Variants in ZNF335 observed in about 807,000 individuals in gnomAD.
The protein encoded by ZNF335 is zinc finger protein 335, also known as NRC-interacting factor 1.
ZNF335 carries 84 observed loss-of-function variants against 145.6 expected under a neutral mutation model. The observed-to-expected ratio is 0.58, with a 90% CI of 0.48 to 0.69. ZNF335 has a LOEUF of 0.69. ZNF335 is among the 30% of genes least tolerant of loss of function. ZNF335 has a pLI of 0.00. For missense variants in ZNF335, 1,865 were observed against 1,809.7 expected (o/e 1.03, Z -0.55); for synonymous variants, 761 against 717.0 (o/e 1.06, Z -0.98).
In ZNF335 at chr20:45,962,166, T is replaced by C. The variant is rs776649628; in HGVS notation, c.1550A>G (p.His517Arg). ...ACACTTGTAGGGCTTGCTGCCCACG[T>C]GGTTGAACATGTGCTCCTGGGAGAC... ...WSSLKEHMFN[H>R]VGSKPYKCDE... Residue 517 changes from histidine to arginine, a missense_variant, in exon 10 of 28, where the codon CAC becomes CGC. By Grantham distance (29) the His-to-Arg change is conservative. Coordinates refer to ENST00000322927, the MANE Select transcript of ZNF335 (RefSeq NM_022095.4). The C allele has an allele frequency of 4.3e-6, 7 of 1,613,932 alleles. No individual in the cohort carries two copies. The highest frequency in any genetic ancestry group is 5.9e-6 in the Non-Finnish European group (7 of 1,179,994).
intron 16 of ZNF335, 60 bp from the exon 17 acceptor site, chr20:45,957,740 C>T (rs2083755300): frequency 5.0e-6 from 8 of 1,605,264 alleles, no homozygotes; most frequent in Non-Finnish European, 6.0e-6. Flanking sequence ...CAATACCACC[C>T]CCTCCCCATC....
At chr20:45,967,136 G>A (rs1240094115) in intron 6 of ZNF335, 2 of 242,624 alleles carry the variant, frequency 8.2e-6, no homozygotes, top group African/African-American at 2.2e-5. Context: ...CTAGCTACTC[G>A]GGAGGCTGAG....
At chr20:45,960,176 G>A (rs762332625) in intron 14 of ZNF335, 32 bp downstream of exon 14, 1 of 1,612,040 alleles carries the variant, frequency 6.2e-7, no homozygotes, top group Non-Finnish European at 8.5e-7. Context: ...ACTGAGGGCT[G>A]GTGAGTGGGG....
rs961773295 is a variant in ZNF335, at chr20:45,967,932, A to T, written c.616T>A (p.Cys206Ser). ...CTGGGCCCACCCTGTGCCTCCAGGC[A>T]TGTGGATGTGGATGTGGGGCCATCT... ...LADGPTSTST[C>S]LEAQGGPSSP... is the part of the protein sequence containing the mutation. The change falls in exon 5 of 28, where the codon TGC becomes AGC. Residue 206 changes from cysteine to serine, a missense_variant. Cys to Ser is a moderately radical substitution (Grantham distance 112). Transcript: ENST00000322927. 2.5e-6 allele frequency: 4 copies of T among 1,607,658 alleles called. No homozygotes were observed. In the African/African-American group the frequency reaches 5.3e-5, roughly 21 times the overall value.
chr20:45,951,344 C>A (rs2083627740), intron 20 of ZNF335, among the ~76,000 whole-genome samples: 1 of 152,228 alleles, frequency 6.6e-6, no homozygotes, highest in Non-Finnish European at 1.5e-5. Flanking sequence ...ACAGGGAGGC[C>A]CCAAGCTGGG....
In ZNF335 at chr20:45,965,797, T is replaced by G. The variant is rs564186036; in HGVS notation, c.956-23A>C. On this transcript the variant is annotated intron_variant, in intron 6 of 27. Transcript: ENST00000322927. The stretch of plus-strand genomic sequence containing the variant: ...CCTCTGTGGGGGACAGTAAAGTTGG[T>G]GAACAGTGAGTGGCGGGACCTGCCC... 492 of 1,590,724 alleles carry G rather than the reference T, an allele frequency of 3.1e-4. 1 individual carries two copies. Among genetic ancestry groups the G allele is most frequent in the Non-Finnish European group, 3.7e-4 (434 of 1,169,180 alleles).
chr20:45,949,450 C>G, intron 25 of ZNF335, 35 bp downstream of exon 25: 1 of 1,613,968 alleles, frequency 6.2e-7, no homozygotes, highest in Admixed American at 1.7e-5. Context: ...TGCAGCCCTT[C>G]ACCACACAGC....
rs114864530 is a variant in ZNF335 at position 45,950,314 on chromosome 20, C to T, written c.3392G>A (p.Arg1131Lys). 2.4e-4 allele frequency: 376 copies of T among 1,568,028 alleles called. 2 individuals are homozygous for T. In the African/African-American group the frequency reaches 4.1e-3, roughly 17 times the overall value. Residue 1131 changes from arginine (R) to lysine (K), a missense_variant, in exon 22 of 28, where the codon AGG (arginine) becomes AAG (lysine). Arg to Lys is a conservative substitution (Grantham distance 26). Transcript: ENST00000322927. ...HIQRLHSPDG[R>K]KSGTPTARAP... is the part of the protein sequence containing the mutation. The stretch of plus-strand genomic sequence containing the variant: ...CCGGGCTGTAGGGGTTCCTGACTTC[C>T]TCCCATCAGGACTGTGCAGCCGCTG...
At chr20:45,955,607 T>C (rs1402261966) in intron 17 of ZNF335, among the ~76,000 whole-genome samples, 2 of 151,972 alleles carry the variant, frequency 1.3e-5, no homozygotes, top group East Asian at 3.9e-4. Flanking sequence ...TCACTTGAGG[T>C]CAGGAGTTCG....
intron 3 of ZNF335, 45 bp downstream of exon 3, chr20:45,969,406 G>T: frequency 6.9e-7 from 1 of 1,459,830 alleles, no homozygotes; most frequent in Non-Finnish European, 9.1e-7. Flanking sequence ...GCTGGCTGCC[G>T]GACACTGCAG....
At position 45,968,275 on chromosome 20, in the gene ZNF335, G is replaced by A. The variant is rs754647918; in HGVS notation, c.520+10C>T. On this transcript the variant is annotated intron_variant, in intron 4 of 27. Transcript: ENST00000322927. ...GCAGGCCTCCCCGATTCTGGCACCT[G>A]GGGTCTTACCATCATCTGGGCCCTG... The A allele has an allele frequency of 1.7e-5, 27 of 1,611,478 alleles. No individual in the cohort carries two copies. The highest frequency in any genetic ancestry group is 6.7e-5 in the East Asian group (3 of 44,758).
chr20:45,951,610 G>A (rs1004080539), intron 20 of ZNF335, among the ~76,000 whole-genome samples: 1 of 152,218 alleles, frequency 6.6e-6, no homozygotes, highest in African/African-American at 2.4e-5. Flanking sequence ...CGTATGCACA[G>A]TTCACAATGG....
rs2083899325 is a variant in ZNF335 at position 45,963,858 on chromosome 20, T to G, written c.1235A>C (p.Glu412Ala). 1.2e-6 allele frequency: 2 copies of G among 1,611,786 alleles called. No individual in the cohort carries two copies. Among genetic ancestry groups the G allele is most frequent in the Non-Finnish European group, 1.7e-6 (2 of 1,178,584 alleles). ...TGCATCTGACTGGCTCACACCAGCT[T>G]CCACAGGGGTCCTGCTCACCTTGCC... ...AMGKVSRTPV[E>A]AGVSQSDAEN... is the part of the protein sequence containing the mutation. The change falls in exon 8 of 28, where the codon GAA (glutamate) becomes GCA (alanine). Residue 412 changes from glutamate to alanine, a missense_variant. Glu to Ala is a moderately radical substitution (Grantham distance 107). Transcript: ENST00000322927.
Position 45,950,565 on chromosome 20 carries a change from G to A in ZNF335, c.3220C>T (p.Pro1074Ser). ...AHMAQHSSLR[P>S]HQCSQCSFAS... ...AAGCTGCACTGGCTACACTGGTGGG[G>A]CCGTAGGCTTGAGTGCTGTGCCATG... The change falls in exon 21 of 28, where the codon CCC becomes TCC. Residue 1074 changes from proline (P) to serine (S), a missense_variant. Coordinates refer to ENST00000322927, the MANE Select transcript of ZNF335 (RefSeq NM_022095.4). 6.2e-7 allele frequency: 1 copy of A among 1,614,100 alleles called. No individual in the cohort carries two copies. The highest frequency in any genetic ancestry group is 8.5e-7 in the Non-Finnish European group (1 of 1,180,026).
At position 45,960,647 on chromosome 20, in the gene ZNF335, T is replaced by C. The variant is rs1343248263; in HGVS notation, c.1751A>G (p.His584Arg). The change falls in exon 12 of 28, where the codon CAC becomes CGC. Residue 584 changes from histidine to arginine, a missense_variant. Coordinates refer to ENST00000322927, the MANE Select transcript of ZNF335 (RefSeq NM_022095.4). ...QKRLTQHMKT[H>R]STEKPHMCDK... is the part of the protein sequence containing the mutation. ...ACACATGTGGGGCTTCTCAGTGCTG[T>C]GCGTCTTCATGTGCTGCGTGAGTCT... 2 of 1,614,084 alleles carry C rather than the reference T, an allele frequency of 1.2e-6. No individual in the cohort carries two copies. The highest frequency in any genetic ancestry group is 1.7e-6 in the Non-Finnish European group (2 of 1,180,010).
intron 6 of ZNF335, among the ~76,000 whole-genome samples, chr20:45,966,100 C>A (rs899534628): frequency 1.3e-5 from 2 of 152,172 alleles, no homozygotes; most frequent in South Asian, 4.1e-4. Context: ...ACAAACTCTA[C>A]GGCTGCCCTA....
rs569139091 is a variant in ZNF335 at position 45,961,997 on chromosome 20, G to A, written c.1646+73C>T. On this transcript the variant is annotated intron_variant, in intron 10 of 27. Transcript: ENST00000322927. The stretch of plus-strand genomic sequence containing the variant: ...CAGGAGCACGGTAAGTGGGAACCAT[G>A]GTTATCCCGGGCCTCCACTTCCCCA... 2.2e-4 allele frequency: 277 copies of A among 1,249,740 alleles called. 1 individual carries two copies. Among genetic ancestry groups the A allele is most frequent in the Non-Finnish European group, 2.9e-4 (256 of 874,270 alleles). The allele number at this position is 1,249,740 out of a possible 1,614,324, so 77.4% of individuals were successfully genotyped here. A position where few individuals can be genotyped will look rare whatever the true frequency, so the allele number is the denominator to read the frequency against.
Position 45,948,781 on chromosome 20 carries a change from G to A in ZNF335, c.*172C>T, listed in dbSNP as rs1204239634. The A allele has an allele frequency of 2.9e-6, 3 of 1,019,866 alleles. No individual in the cohort carries two copies. Among genetic ancestry groups the A allele is most frequent in the Non-Finnish European group, 1.4e-6 (1 of 698,310 alleles). The allele number at this position is 1,019,866 out of a possible 1,614,324, so 63.2% of individuals were successfully genotyped here. A position where few individuals can be genotyped will look rare whatever the true frequency, so the allele number is the denominator to read the frequency against. On this transcript the variant is annotated 3_prime_UTR_variant, in exon 28 of 28. Coordinates refer to ENST00000322927, the MANE Select transcript of ZNF335 (RefSeq NM_022095.4). ...GGGGCACCCAGCATGTCCTGGCTGG[G>A]GCCCATGGCTGCCCCTAACCCCAAC...
At position 45,969,658 on chromosome 20, in the gene ZNF335, G is replaced by T. The variant is rs768996558; in HGVS notation, c.235C>A (p.Pro79Thr). ...EVSESSSSADPLPNSYLPDSS... is the reference protein window; with the variant it reads ...EVSESSSSADTLPNSYLPDSS... ...TCAGGGAGGTAGCTATTAGGCAGGG[G>T]GTCTGCGCTCGAGCTGCTCTCAGAT... The change falls in exon 3 of 28, where the codon CCC (proline) becomes ACC (threonine). Residue 79 changes from proline (P) to threonine (T), a missense_variant. By Grantham distance (38) the Pro-to-Thr change is conservative. Transcript: ENST00000322927. 54 of 1,612,186 alleles carry T rather than the reference G, an allele frequency of 3.3e-5. No homozygotes were observed. Among genetic ancestry groups the T allele is most frequent in the Middle Eastern group, 3.3e-4 (2 of 6,054 alleles).
Sources: allele counts gnomAD v4.1 joint callset (sites outside exome capture counted in the v4.1 genomes callset), GRCh38; gene constraint gnomAD v4.1.1; transcripts MANE v1.5; gene names NCBI Gene and HGNC (gene_info 2026-07-23, HGNC 2026-07-21).